The following RANBP2 variants were observed in gnomAD, a reference collection of about 807,000 sequenced individuals.
RANBP2 encodes the protein E3 SUMO-protein ligase RanBP2.
In RANBP2, 57 loss-of-function variants were observed where a neutral mutation model predicts 303.6. That is an observed-to-expected ratio of 0.19 (90% confidence interval 0.15 to 0.23). The LOEUF (loss-of-function observed/expected upper bound fraction) is 0.23. Among genes scored for constraint, RANBP2 ranks in the 10% least tolerant of loss-of-function variants. The pLI is 1.00. For missense variants in RANBP2, 3,138 were observed against 3,780.8 expected, an observed-to-expected ratio of 0.83 and a Z score of 4.46; for synonymous variants, 1,167 against 1,301.5, an observed-to-expected ratio of 0.90 and a Z score of 2.23.
the RANBP2 span, among the ~76,000 whole-genome samples, chr2:109,516,262 CCT>C: frequency 2.0e-5 from 3 of 152,194 alleles, no homozygotes; most frequent in Non-Finnish European, 4.4e-5. Flanking sequence ...AGTCCCACCC[CCT>C]GTGCCCAGGG....
At chr2:109,394,992 T>TG in the RANBP2 span, among the ~76,000 whole-genome samples, 2 of 152,212 alleles carry the variant, frequency 1.3e-5, no homozygotes, top group African/African-American at 4.8e-5. Flanking sequence ...GTGTGGCCGG[T>TG]GAGGGTCCTT....
chr2:108,788,855 A>G, downstream of RANBP2: 7 of 1,614,010 alleles, frequency 4.3e-6, no homozygotes, highest in Non-Finnish European at 5.9e-6. Flanking sequence ...TTGACAGGTG[A>G]TTTGGATATC....
At chr2:108,921,744 C>G in the RANBP2 span, among the ~76,000 whole-genome samples, 2 of 152,200 alleles carry the variant, frequency 1.3e-5, no homozygotes, top group African/African-American at 2.4e-5. Context: ...GCATTCACAC[C>G]GAGGCCCTAA....
the RANBP2 span, among the ~76,000 whole-genome samples, chr2:109,256,746 G>A: frequency 3.3e-5 from 5 of 152,130 alleles, no homozygotes; most frequent in African/African-American, 9.7e-5. Context: ...GGAATACATC[G>A]AGCTATTGAT....
At chr2:109,121,237 A>C in the RANBP2 span, among the ~76,000 whole-genome samples, 2 of 145,996 alleles carry the variant, frequency 1.4e-5, no homozygotes, top group African/African-American at 5.1e-5. Context: ...ACAGAGTGAC[A>C]CTCCATCTCT....
At chr2:108,948,710 G>C in the RANBP2 span, among the ~76,000 whole-genome samples, 1 of 152,156 alleles carries the variant, frequency 6.6e-6, no homozygotes, top group South Asian at 2.1e-4. Context: ...ACAACATGGG[G>C]AAAACTGCTC....
the RANBP2 span, among the ~76,000 whole-genome samples, chr2:109,081,855 C>A: frequency 1.3e-5 from 2 of 152,208 alleles, no homozygotes; most frequent in Non-Finnish European, 2.9e-5. Context: ...CACTTGCCAA[C>A]GAGGCATCTT....
chr2:109,070,441 T>C, the RANBP2 span, among the ~76,000 whole-genome samples: 6 of 152,124 alleles, frequency 3.9e-5, no homozygotes, highest in African/African-American at 1.4e-4. Context: ...ATGCTCAGTG[T>C]TGGAGGTGGG....
the RANBP2 span, chr2:108,856,674 A>C: frequency 1.1e-6 from 1 of 887,512 alleles, no homozygotes. Context: ...GTGATCTCTT[A>C]TTTAATTTTT....
At chr2:109,559,890 T>A in the RANBP2 span, among the ~76,000 whole-genome samples, 1 of 150,698 alleles carries the variant, frequency 6.6e-6, no homozygotes, top group Non-Finnish European at 1.5e-5. Context: ...AGTCCAGACC[T>A]ATGTAGCCTC....
the RANBP2 span, among the ~76,000 whole-genome samples, chr2:109,280,617 T>A: frequency 6.6e-6 from 1 of 152,206 alleles, no homozygotes; most frequent in Non-Finnish European, 1.5e-5. Flanking sequence ...CTAAAAACAA[T>A]CTACACTAAT....
At chr2:109,268,068 A>C in the RANBP2 span, among the ~76,000 whole-genome samples, 4 of 151,380 alleles carry the variant, frequency 2.6e-5, no homozygotes, top group African/African-American at 9.7e-5. Context: ...ACTGTCCCCT[A>C]ATCCCACCTG....
intron 1 of RANBP2, among the ~76,000 whole-genome samples, chr2:108,726,105 G>T (rs1694680172): frequency 6.6e-6 from 1 of 152,120 alleles, no homozygotes; most frequent in Non-Finnish European, 1.5e-5. Flanking sequence ...ATATTGAATG[G>T]AAGATTATAT....
the RANBP2 span, chr2:108,923,238 AC>A: frequency 2.2e-6 from 2 of 896,388 alleles, no homozygotes; most frequent in Middle Eastern, 2.4e-4. Flanking sequence ...CCACAGGAGC[AC>A]TTTCACTAGT....
the RANBP2 span, among the ~76,000 whole-genome samples, chr2:109,424,018 T>G: frequency 6.6e-6 from 1 of 152,322 alleles, no homozygotes; most frequent in African/African-American, 2.4e-5. Context: ...CAGGGCCGGT[T>G]GCAGTGGAGG....
chr2:109,520,951 C>G, the RANBP2 span, among the ~76,000 whole-genome samples: 1 of 150,936 alleles, frequency 6.6e-6, no homozygotes, highest in African/African-American at 2.4e-5. Context: ...AAAAAAAGGC[C>G]GGGCGCGGTG....
the RANBP2 span, among the ~76,000 whole-genome samples, chr2:109,537,013 C>T: frequency 5.9e-5 from 9 of 152,312 alleles, no homozygotes; most frequent in South Asian, 2.1e-4. Context: ...TGCCCAGTCT[C>T]GGGTATGTCC....
At chr2:109,610,545 T>C in the RANBP2 span, among the ~76,000 whole-genome samples, 1 of 152,096 alleles carries the variant, frequency 6.6e-6, no homozygotes, top group Admixed American at 6.6e-5. Flanking sequence ...AGAAACCCTG[T>C]GTCTACTAAA....
At chr2:109,123,658 T>G in the RANBP2 span, among the ~76,000 whole-genome samples, 4 of 152,204 alleles carry the variant, frequency 2.6e-5, no homozygotes, top group African/African-American at 9.6e-5. Context: ...ACATATTCCC[T>G]CTCTGCCTCA....
Sources: gnomAD v4.1 joint callset for allele counts (sites outside exome capture counted in the v4.1 genomes callset) on GRCh38, gnomAD v4.1.1 for gene constraint, MANE v1.5 for transcripts, NCBI Gene and HGNC (gene_info 2026-07-23, HGNC 2026-07-21) for gene names.